The following DNAAF4 variants were observed in gnomAD, a reference collection of about 807,000 sequenced individuals.
The protein encoded by DNAAF4 is dynein axonemal assembly factor 4.
Under a neutral mutation model 51.8 loss-of-function variants are expected in DNAAF4, and 43 were observed. The ratio of observed to expected loss-of-function variants is 0.83; its 90% CI spans 0.65 to 1.07. The LOEUF (loss-of-function observed/expected upper bound fraction) is 1.07, where lower values mean the gene tolerates loss of function less well. DNAAF4 is among the 50% of genes least tolerant of loss of function. The pLI is 0.00. For missense variants in DNAAF4, 581 were observed against 493.0 expected, an observed-to-expected ratio of 1.18 and a Z score of -1.69; for synonymous variants, 194 against 165.6, an observed-to-expected ratio of 1.17 and a Z score of -1.32.
At chr15:55,460,112 T>A (rs1336646796) in intron 5 of DNAAF4, among the ~76,000 whole-genome samples, 1 of 151,800 alleles carries the variant, frequency 6.6e-6, no homozygotes, top group East Asian at 1.9e-4. Flanking sequence ...CAGGAAAATA[T>A]CACAATCCTA....
intron 7 of DNAAF4, chr15:55,418,319 A>G (rs1046371014): frequency 3.9e-6 from 6 of 1,545,048 alleles, no homozygotes; most frequent in Non-Finnish European, 4.4e-6. Flanking sequence ...GTTTTCATGT[A>G]TGTTGGATCC....
At chr15:55,478,018 T>G (rs980015067) in intron 4 of DNAAF4, among the ~76,000 whole-genome samples, 4 of 152,204 alleles carry the variant, frequency 2.6e-5, no homozygotes, top group African/African-American at 7.2e-5. Context: ...GTTAAGACTC[T>G]AGCAGTGCAA....
At chr15:55,452,165 T>C (rs2057943158) in intron 5 of DNAAF4, among the ~76,000 whole-genome samples, 1 of 141,778 alleles carries the variant, frequency 7.1e-6, no homozygotes, top group Non-Finnish European at 1.5e-5. Context: ...GGAGAATCGC[T>C]TCAACCTGGG....
At chr15:55,487,251 C>T (rs925138630) in intron 4 of DNAAF4, among the ~76,000 whole-genome samples, 7 of 152,096 alleles carry the variant, frequency 4.6e-5, no homozygotes, top group Admixed American at 1.3e-4. Flanking sequence ...CCAATCAGCA[C>T]TCTGCAAAAA....
chr15:55,443,106 A>C, intron 6 of DNAAF4: 3 of 1,610,472 alleles, frequency 1.9e-6, no homozygotes, highest in Non-Finnish European at 2.5e-6. Flanking sequence ...TCCTTTCAGT[A>C]GGTGTACGTT....
In DNAAF4 at chr15:55,498,411, G is replaced by A; in HGVS notation, c.-82C>T. The A allele has an allele frequency of 6.5e-7, 1 of 1,533,044 alleles. No individual in the cohort carries two copies. The highest frequency in any genetic ancestry group is 8.8e-7 in the Non-Finnish European group (1 of 1,141,324). 95.0% of individuals were successfully genotyped at this position (1,533,044 alleles called of 1,614,324 possible). On this transcript the variant is annotated 5_prime_UTR_variant, in exon 2 of 10. Transcript: ENST00000321149. ...GCTAGGGAAGCTGGGGTTACCATGC[G>A]CCAGCCCTTCCGGGTCAGGCCGGCC...
In DNAAF4 at chr15:55,483,833, C is replaced by CATTTTTTTTTTTTT. The variant is rs1567028675; in HGVS notation, c.405+7289_405+7290insAAAAAAAAAAAAAT. On this transcript the variant is annotated intron_variant, in intron 4 of 9. Coordinates refer to ENST00000321149, the MANE Select transcript of DNAAF4 (RefSeq NM_130810.4). Reference sequence around the variant, plus strand: ...GAGCCATCACACCCAGCCAATAAAGCTTTTTTTTTTTTTTTTTTTTTTTTT... The same window carrying CATTTTTTTTTTTTT: ...GAGCCATCACACCCAGCCAATAAAGCATTTTTTTTTTTTTTTTTTTTTTTTTTTTTTTTTTTTTT... 2.4e-5 allele frequency among the ~76,000 whole-genome samples: 2 copies of CATTTTTTTTTTTTT among 82,504 alleles called. 1 individual carries two copies. 54.1% of individuals were successfully genotyped at this position (82,504 alleles called of 152,430 possible). A position where few individuals can be genotyped will look rare whatever the true frequency, so the allele number is the denominator to read the frequency against.
chr15:55,452,123 C>T (rs1442285679), intron 5 of DNAAF4, among the ~76,000 whole-genome samples: 3 of 151,074 alleles, frequency 2.0e-5, no homozygotes, highest in Non-Finnish European at 4.4e-5. Flanking sequence ...TGGCAGGCAC[C>T]TGTAATCCCA....
At chr15:55,493,286 C>A (rs1409123843) in intron 3 of DNAAF4, among the ~76,000 whole-genome samples, 2 of 152,168 alleles carry the variant, frequency 1.3e-5, no homozygotes, top group Non-Finnish European at 2.9e-5. Flanking sequence ...CCCAAACAGA[C>A]TAAGATACTA....
At chr15:55,437,179 C>A (rs537666263) in intron 7 of DNAAF4, among the ~76,000 whole-genome samples, 1 of 152,128 alleles carries the variant, frequency 6.6e-6, no homozygotes, top group African/African-American at 2.4e-5. Context: ...TATTTGTGTA[C>A]GTCTCTCTCC....
intron 8 of DNAAF4, among the ~76,000 whole-genome samples, chr15:55,432,986 A>G (rs1193077607): frequency 6.6e-6 from 1 of 151,092 alleles, no homozygotes; most frequent in South Asian, 2.1e-4. Flanking sequence ...AAGCAAAAAC[A>G]TGGTAAAAAT....
chr15:55,433,850 T>C (rs1293162498), intron 8 of DNAAF4, among the ~76,000 whole-genome samples: 179 of 59,454 alleles, frequency 3.0e-3, no homozygotes, highest in African/African-American at 9.8e-3. Flanking sequence ...ATATATTATA[T>C]ATATTATAAT....
intron 7 of DNAAF4, chr15:55,418,660 A>C: frequency 1.1e-6 from 1 of 911,118 alleles, no homozygotes; most frequent in Non-Finnish European, 1.6e-6. Flanking sequence ...AAGAAGATAA[A>C]AAGTTTTGAA....
intron 4 of DNAAF4, among the ~76,000 whole-genome samples, chr15:55,484,301 G>A (rs2058455055): frequency 1.3e-5 from 2 of 151,938 alleles, no homozygotes; most frequent in Non-Finnish European, 2.9e-5. Context: ...GGCTAACATG[G>A]TGAAACCCTG....
intron 3 of DNAAF4, among the ~76,000 whole-genome samples, chr15:55,495,459 T>C (rs1218559680): frequency 6.6e-6 from 1 of 152,050 alleles, no homozygotes; most frequent in Non-Finnish European, 1.5e-5. Context: ...GGCAGTAGTC[T>C]GGGTGCAGTG....
chr15:55,471,877 T>C (rs939424744), intron 4 of DNAAF4, among the ~76,000 whole-genome samples: 5 of 151,982 alleles, frequency 3.3e-5, no homozygotes, highest in Non-Finnish European at 1.5e-5. Context: ...TCTTGCTGTG[T>C]CACCCAGGCT....
intron 6 of DNAAF4, among the ~76,000 whole-genome samples, chr15:55,448,946 TTAA>T (rs202221204): frequency 0.011 from 1,641 of 151,652 alleles, 13 homozygotes; most frequent in Non-Finnish European, 0.014. Context: ...AATACCTTGT[TTAA>T]TAATATGAAA....
chr15:55,464,113 T>C (rs984786270), intron 5 of DNAAF4, among the ~76,000 whole-genome samples: 4 of 152,144 alleles, frequency 2.6e-5, no homozygotes, highest in Non-Finnish European at 5.9e-5. Flanking sequence ...AACAGGCACA[T>C]AGGCCAATGG....
intron 8 of DNAAF4, among the ~76,000 whole-genome samples, chr15:55,434,488 A>G (rs1414079441): frequency 6.6e-6 from 1 of 152,166 alleles, no homozygotes; most frequent in African/African-American, 2.4e-5. Flanking sequence ...TTAGTAATGG[A>G]AAGTAGAATA....
Sources: allele counts gnomAD v4.1 joint callset (sites outside exome capture counted in the v4.1 genomes callset), GRCh38; gene constraint gnomAD v4.1.1; transcripts MANE v1.5; gene names NCBI Gene and HGNC (gene_info 2026-07-23, HGNC 2026-07-21).